Variants in ZNF142 observed in about 807,000 individuals in gnomAD.
ZNF142 encodes the protein zinc finger protein 142.
In ZNF142, 96 loss-of-function variants were observed where a neutral mutation model predicts 132.1. The ratio of observed to expected loss-of-function variants is 0.73; its 90% CI spans 0.62 to 0.86. ZNF142 has a LOEUF of 0.86. Among genes scored for constraint, ZNF142 ranks in the 40% least tolerant of loss-of-function variants. The pLI, the probability that ZNF142 is intolerant of heterozygous loss-of-function variation, is 0.00. For synonymous variants in ZNF142, 842 were observed against 890.1 expected (o/e 0.95, Z 0.96); for missense variants, 2,163 against 2,336.2 (o/e 0.93, Z 1.53).
chr2:218,649,327 GGGCACTGGA>G lies in ZNF142; in HGVS notation c.1172_1180del (p.Leu391_Cys393del). ...ACTGGTGAAGAACTTCTGGCAGTTA[GGGCACTGGA>G]GGCTGGGGTCTGGGAAGTGGAGATG... is the stretch of plus-strand genomic sequence containing the variant. On this transcript the variant is annotated inframe_deletion, in exon 7 of 11. Coordinates refer to ENST00000411696, the MANE Select transcript of ZNF142 (RefSeq NM_001379659.1). 6.2e-7 allele frequency: 1 copy of G among 1,614,242 alleles called. No homozygotes were observed. Among genetic ancestry groups the G allele is most frequent in the Non-Finnish European group, 8.5e-7 (1 of 1,180,042 alleles).
At chr2:218,641,329 T>C (rs1358880515) in intron 9 of ZNF142, among the ~76,000 whole-genome samples, 4 of 149,530 alleles carry the variant, frequency 2.7e-5, no homozygotes, top group Non-Finnish European at 4.4e-5. Context: ...TCACTGCAAG[T>C]TCTGCCTCCC....
At position 218,652,020 on chromosome 2, in the gene ZNF142, C is replaced by G. The variant is rs1938047340; in HGVS notation, c.561G>C (p.Arg187=). 3 of 565,292 alleles carry G rather than the reference C, an allele frequency of 5.3e-6. No homozygotes were observed. The highest frequency in any genetic ancestry group is 9.2e-6 in the Non-Finnish European group (3 of 326,750). The allele number at this position is 565,292 out of a possible 1,614,324, so 35.0% of individuals were successfully genotyped here. ...GGCAGGAGAAGGTGTCAGGAGTGCC[C>G]CGGTGAATCTTGAAGTGGCTCTTCA... ...QALKSHFKIH[R]GTPDTFSCPE... The change falls in exon 5 of 11, where the codon CGG becomes CGC. Residue 187 remains arginine, a synonymous_variant. Coordinates refer to ENST00000411696, the MANE Select transcript of ZNF142 (RefSeq NM_001379659.1).
In ZNF142 at chr2:218,642,876, G is replaced by A. The variant is rs1304332178; in HGVS notation, c.4240C>T (p.Arg1414Trp). Residue 1414 changes from arginine (R) to tryptophan (W), a missense_variant, in exon 9 of 11, where the codon CGG becomes TGG. Physicochemically the swap from Arg to Trp is moderately radical, Grantham distance 101. Around this residue, in one of 7 missense-constraint regions of ZNF142, gnomAD observed 809 missense variants for 801.7 expected, o/e 1.01. Coordinates refer to ENST00000411696, the MANE Select transcript of ZNF142 (RefSeq NM_001379659.1). This position sits in a 1 kb window ranked among gnomAD's most constrained non-coding sequence, Gnocchi z 4.6. ...TGTCGGGACTGGTGAGCCTCTAACCGGTACCGTCTGGTGGTCGAAAAGTCA... is the reference window on the plus strand; with the variant it reads ...TGTCGGGACTGGTGAGCCTCTAACCAGTACCGTCTGGTGGTCGAAAAGTCA... ...FCDFSTTRRY[R>W]LEAHQSRHTG... The A allele has an allele frequency of 1.2e-5, 19 of 1,614,020 alleles. No individual in the cohort carries two copies. Among genetic ancestry groups the A allele is most frequent in the Admixed American group, 3.3e-5 (2 of 60,008 alleles).
rs1481769528 is a variant in ZNF142 at position 218,643,016 on chromosome 2, GGCC to G, written c.4097_4099del (p.Gly1366_Pro1367delinsAla). The G allele has an allele frequency of 6.2e-7, 1 of 1,605,258 alleles. No homozygotes were observed. The highest frequency in any genetic ancestry group is 8.5e-7 in the Non-Finnish European group (1 of 1,175,478). On this transcript the variant is annotated inframe_deletion, in exon 9 of 11. Coordinates refer to ENST00000411696, the MANE Select transcript of ZNF142 (RefSeq NM_001379659.1). ...GTCCCCACACTGTAGATGGGGCCGG[GGCC>G]CACGGGCTGGGGCTGCAGTGGGGTG...
At chr2:218,648,314 G>A (rs555125696) in intron 7 of ZNF142, among the ~76,000 whole-genome samples, 2 of 152,346 alleles carry the variant, frequency 1.3e-5, no homozygotes, top group East Asian at 3.9e-4. Flanking sequence ...ATTTGTCCTG[G>A]TTTAGGTTTC....
At chr2:218,645,208 A>T in intron 8 of ZNF142, 144 bp from the exon 9 acceptor site, 1 of 1,047,270 alleles carries the variant, frequency 9.5e-7, no homozygotes, top group Non-Finnish European at 1.3e-6. Context: ...TCACTACCCT[A>T]TGAAACTGGT....
In ZNF142 at chr2:218,633,525, G is replaced by A. The variant is rs766962256; in HGVS notation, c.*4814C>T. The A allele has an allele frequency of 1.1e-4, 163 of 1,507,958 alleles. No individual in the cohort carries two copies. Among genetic ancestry groups the A allele is most frequent in the Non-Finnish European group, 1.4e-4 (147 of 1,085,734 alleles). 93.4% of individuals were successfully genotyped at this position (1,507,958 alleles called of 1,614,324 possible). Reference sequence around the variant, plus strand: ...TACAGTGGGGAGGCAGTGGGCAGAGGTTTAGGTTGGATGGCCATTATCTTC... The same window carrying A: ...TACAGTGGGGAGGCAGTGGGCAGAGATTTAGGTTGGATGGCCATTATCTTC... On this transcript the variant is annotated 3_prime_UTR_variant, in exon 11 of 11. Transcript: ENST00000411696.
rs777738546 is a variant in ZNF142 at position 218,644,245 on chromosome 2, A to G, written c.2871T>C (p.Leu957=). 5.0e-6 allele frequency: 8 copies of G among 1,614,014 alleles called. No individual in the cohort carries two copies. The highest frequency in any genetic ancestry group is 8.5e-7 in the Non-Finnish European group (1 of 1,179,984). The change falls in exon 9 of 11, where the codon CTT becomes CTC. Residue 957 remains leucine (L), a synonymous_variant. Transcript: ENST00000411696. The surrounding 1 kb of genome is among the most constrained non-coding windows in gnomAD (Gnocchi z 4.6). ...TSDLSAEENP[L]LEKPVSEPST... ...AGGGCTCAGACACTGGCTTTTCCAGAAGGGGATTTTCTTCAGCACTCAAGT... is the reference window on the plus strand; with the variant it reads ...AGGGCTCAGACACTGGCTTTTCCAGGAGGGGATTTTCTTCAGCACTCAAGT...
chr2:218,643,431 T>TG lies in ZNF142; in HGVS notation c.3684dup (p.Asn1229GlnfsTer19). On this transcript the variant is annotated frameshift_variant, in exon 9 of 11. Coordinates refer to ENST00000411696, the MANE Select transcript of ZNF142 (RefSeq NM_001379659.1). LOFTEE classifies it high-confidence loss of function. ...CGGGAACAAAGGAATGGGCAGGAGT[T>TG]GCAGTGAAACTTGCCCTGCTCAAAG... 6.2e-7 allele frequency: 1 copy of TG among 1,614,198 alleles called. No individual in the cohort carries two copies. The highest frequency in any genetic ancestry group is 8.5e-7 in the Non-Finnish European group (1 of 1,180,028).
chr2:218,654,123 C>T (rs1204443715), intron 4 of ZNF142, among the ~76,000 whole-genome samples: 1 of 152,142 alleles, frequency 6.6e-6, no homozygotes, highest in Non-Finnish European at 1.5e-5. Context: ...TGTTTCCAAC[C>T]ATTACAAATA....
chr2:218,656,755 A>G (rs1224484507), intron 3 of ZNF142, among the ~76,000 whole-genome samples: 3 of 151,874 alleles, frequency 2.0e-5, no homozygotes, highest in South Asian at 2.1e-4. Context: ...TCATTAAGCA[A>G]TTTGGGTCTC....
intron 7 of ZNF142, 109 bp downstream of exon 7, chr2:218,648,526 T>C: frequency 9.5e-7 from 1 of 1,054,482 alleles, no homozygotes; most frequent in South Asian, 1.6e-5. Flanking sequence ...ATGCTAGATC[T>C]ATCTCTAGGA....
In ZNF142 at chr2:218,659,368, C is replaced by T. The variant is rs1052356216; in HGVS notation, c.-362+1G>A. The T allele has an allele frequency of 6.6e-6, 1 of 152,310 alleles. No individual in the cohort carries two copies. The highest frequency in any genetic ancestry group is 1.5e-5 in the Non-Finnish European group (1 of 68,124). 9.4% of individuals were successfully genotyped at this position (152,310 alleles called of 1,614,324 possible). A position where few individuals can be genotyped will look rare whatever the true frequency, so the allele number is the denominator to read the frequency against. On this transcript the variant is annotated splice_donor_variant, in intron 1 of 10. Transcript: ENST00000411696. LOFTEE classifies it low-confidence loss of function (5UTR_SPLICE). The surrounding 1 kb of genome is among the most constrained non-coding windows in gnomAD (Gnocchi z 4.4). ...GTTCCGCCCCGCAGCCGCTCACTCA[C>T]CTCCAGACCCAGAGCCGGCGGGAGC...
At chr2:218,655,147 G>T (rs779205923) in intron 4 of ZNF142, among the ~76,000 whole-genome samples, 2 of 152,044 alleles carry the variant, frequency 1.3e-5, no homozygotes, top group Middle Eastern at 3.4e-3. Flanking sequence ...CAAAAAAGAT[G>T]GTTTCTTTTT....
intron 10 of ZNF142, among the ~76,000 whole-genome samples, chr2:218,639,700 CCAG>C (rs36016805): frequency 0.054 from 7,917 of 146,734 alleles, 308 homozygotes; most frequent in East Asian, 0.11. Flanking sequence ...CCACTGCACT[CCAG>C]CATGGGCAGC....
In ZNF142 at chr2:218,635,743, G is replaced by A. The variant is rs963704058; in HGVS notation, c.*2596C>T. 1.8e-5 allele frequency: 28 copies of A among 1,577,920 alleles called. No individual in the cohort carries two copies. The African/African-American group carries it at 3.0e-4, about 17-fold the overall frequency. ...CTCCCCTGGGGTTGGGAGTAGGGTC[G>A]GGTGGGGCTGGGCTGAGCAGGAACT... On this transcript the variant is annotated 3_prime_UTR_variant, in exon 11 of 11. Transcript: ENST00000411696.
chr2:218,649,420 T>C lies in ZNF142; in HGVS notation c.1088A>G (p.His363Arg), dbSNP rs772876427. ...VSGTESLFKTHMCPECKRCFK... is the reference protein window; with the variant it reads ...VSGTESLFKTRMCPECKRCFK... ...GCAGCGCTTACACTCTGGACACATA[T>C]GGGTCTTGAAGAGGGACTCGGTGCC... The change falls in exon 7 of 11, where the codon CAT becomes CGT. Residue 363 changes from histidine (H) to arginine (R), a missense_variant. Physicochemically the swap from His to Arg is conservative, Grantham distance 29. Coordinates refer to ENST00000411696, the MANE Select transcript of ZNF142 (RefSeq NM_001379659.1). 4 of 1,611,634 alleles carry C rather than the reference T, an allele frequency of 2.5e-6. No individual in the cohort carries two copies. Among genetic ancestry groups the C allele is most frequent in the Non-Finnish European group, 2.5e-6 (3 of 1,178,758 alleles).
chr2:218,640,959 G>A (rs1697132728), intron 9 of ZNF142, among the ~76,000 whole-genome samples, 190 bp from the exon 10 acceptor site: 12 of 149,052 alleles, frequency 8.1e-5, no homozygotes, highest in Admixed American at 8.0e-4. Context: ...TAAAGAGACA[G>A]GGTCTCACTC....
rs757723043 is a variant in ZNF142, at chr2:218,635,918, T to C, written c.*2421A>G. 6.2e-7 allele frequency: 1 copy of C among 1,613,984 alleles called. No homozygotes were observed. Among genetic ancestry groups the C allele is most frequent in the Non-Finnish European group, 8.5e-7 (1 of 1,179,894 alleles). On this transcript the variant is annotated 3_prime_UTR_variant, in exon 11 of 11. Transcript: ENST00000411696. The stretch of plus-strand genomic sequence containing the variant: ...ACACAGCACGGCAGGAGACCAACTA[T>C]GTGGAGAACAATGGTGAGAAACTGG...
Sources: gnomAD v4.1 joint callset for allele counts (sites outside exome capture counted in the v4.1 genomes callset) on GRCh38, gnomAD v4.1.1 for gene constraint, gnomAD v4.1.1 regional missense constraint, Gnocchi (gnomAD v3.1) non-coding constraint, MANE v1.5 for transcripts, NCBI Gene and HGNC (gene_info 2026-07-23, HGNC 2026-07-21) for gene names.